Variants in SGPL1 observed in about 807,000 individuals in gnomAD.
SGPL1 encodes sphingosine-1-phosphate lyase 1.
Under a neutral mutation model 68.9 loss-of-function variants are expected in SGPL1, and 37 were observed. The observed-to-expected ratio is 0.54, with a 90% CI of 0.41 to 0.71. The LOEUF is 0.71. Among genes scored for constraint, SGPL1 ranks in the 30% least tolerant of loss-of-function variants. The pLI is 0.00. For synonymous variants in SGPL1, 236 were observed against 248.5 expected, an observed-to-expected ratio of 0.95 and a Z score of 0.47; for missense variants, 551 against 704.6, an observed-to-expected ratio of 0.78 and a Z score of 2.47.
intron 7 of SGPL1, among the ~76,000 whole-genome samples, chr10:70,862,799 A>G (rs537292074): frequency 1.3e-4 from 20 of 152,298 alleles, no homozygotes; most frequent in Admixed American, 1.1e-3. Flanking sequence ...GAACATCAGA[A>G]GGAACAAACT....
intron 2 of SGPL1, among the ~76,000 whole-genome samples, chr10:70,842,854 C>A (rs1338367892): frequency 6.6e-6 from 1 of 152,182 alleles, no homozygotes; most frequent in Non-Finnish European, 1.5e-5. Context: ...TACTTGGGCA[C>A]TGTTACTTGG....
At chr10:70,865,212 C>CT (rs199971329) in intron 7 of SGPL1, among the ~76,000 whole-genome samples, 53,269 of 146,790 alleles carry the variant, frequency 0.36, 9,634 homozygotes, top group African/African-American at 0.42. Flanking sequence ...TTCACTGTTT[C>CT]TTTTTTTTTT....
chr10:70,869,786 A>G lies in SGPL1; in HGVS notation c.705-6A>G, dbSNP rs1308632021. ...TTACATTATTCTCCTCTTCCCTGTC[A>G]TTTAGTGTGGCTCCCCAAAGTGCCC... On this transcript the variant is annotated splice_region_variant and splice_polypyrimidine_tract_variant and intron_variant, in intron 8 of 14. Coordinates refer to ENST00000373202, the MANE Select transcript of SGPL1 (RefSeq NM_003901.4). 1.9e-6 allele frequency: 3 copies of G among 1,612,524 alleles called. No homozygotes were observed. The highest frequency in any genetic ancestry group is 2.5e-6 in the Non-Finnish European group (3 of 1,178,850).
intron 3 of SGPL1, among the ~76,000 whole-genome samples, chr10:70,848,825 C>T (rs1184373406): frequency 1.3e-5 from 2 of 152,130 alleles, no homozygotes; most frequent in African/African-American, 4.8e-5. Context: ...TTGACGTATG[C>T]AACACATTTT....
intron 7 of SGPL1, among the ~76,000 whole-genome samples, chr10:70,861,704 G>C (rs1018368915): frequency 1.5e-4 from 23 of 152,232 alleles, no homozygotes; most frequent in Non-Finnish European, 2.6e-4. Context: ...AGAGTTCCCG[G>C]TGAGCATGGG....
intron 2 of SGPL1, among the ~76,000 whole-genome samples, chr10:70,817,929 C>G (rs555115945): frequency 4.9e-4 from 75 of 152,300 alleles, no homozygotes; most frequent in African/African-American, 1.7e-3. Flanking sequence ...TGAGATCTTT[C>G]TGTGCTGTTT....
intron 2 of SGPL1, among the ~76,000 whole-genome samples, chr10:70,840,285 T>TG (rs969034998): frequency 6.6e-6 from 1 of 152,078 alleles, no homozygotes; most frequent in African/African-American, 2.4e-5. Context: ...CATTTCACTT[T>TG]GGGGTCTCTG....
chr10:70,841,737 A>C lies in SGPL1; in HGVS notation c.28-2736A>C, dbSNP rs537876563. On this transcript the variant is annotated intron_variant, in intron 2 of 14. Transcript: ENST00000373202. The stretch of plus-strand genomic sequence containing the variant: ...AAATGTTTTCAACAAGCATTTGTTG[A>C]GTATCTGTCCTTTTTCTAAGCTTTC... Among the ~76,000 whole-genome samples, 6 of 152,256 alleles carry C rather than the reference A, an allele frequency of 3.9e-5. No homozygotes were observed. In the South Asian group the frequency reaches 1.2e-3, roughly 32 times the overall value.
intron 4 of SGPL1, among the ~76,000 whole-genome samples, chr10:70,852,706 A>ATGTGTGTG (rs35491906): frequency 1.2e-3 from 171 of 145,942 alleles, no homozygotes; most frequent in Admixed American, 3.3e-3. Flanking sequence ...ACATGTGTGT[A>ATGTGTGTG]TGTGTGTGTG....
At chr10:70,864,372 ATC>A (rs34899133) in intron 7 of SGPL1, among the ~76,000 whole-genome samples, 8,277 of 152,110 alleles carry the variant, frequency 0.054, 274 homozygotes, top group Non-Finnish European at 0.063. Flanking sequence ...TGATCTTTCA[ATC>A]TCTGTCTTTT....
chr10:70,876,471 TGGG>T, intron 13 of SGPL1, 67 bp from the exon 14 acceptor site: 1 of 1,404,694 alleles, frequency 7.1e-7, no homozygotes, highest in Non-Finnish European at 9.8e-7. Context: ...TTCCCGTATT[TGGG>T]GCTGCATCAT....
At position 70,877,419 on chromosome 10, in the gene SGPL1, T is replaced by A. The variant is rs77332227; in HGVS notation, c.*84T>A. On this transcript the variant is annotated 3_prime_UTR_variant, in exon 15 of 15. Coordinates refer to ENST00000373202, the MANE Select transcript of SGPL1 (RefSeq NM_003901.4). ...GAACAGGCCGTGCACAACTTTGACA[T>A]CTGGTCTTGCTCCATAGAGCACAAC... is the stretch of plus-strand genomic sequence containing the variant. 41,922 of 1,388,546 alleles carry A rather than the reference T, an allele frequency of 0.03. 804 individuals carry two copies. Among genetic ancestry groups the A allele is most frequent in the Middle Eastern group, 0.053 (293 of 5,520 alleles). The allele number at this position is 1,388,546 out of a possible 1,614,324, so 86.0% of individuals were successfully genotyped here. A position where few individuals can be genotyped will look rare whatever the true frequency, so the allele number is the denominator to read the frequency against.
intron 6 of SGPL1, among the ~76,000 whole-genome samples, chr10:70,858,731 A>G (rs1019088812): frequency 9.2e-5 from 14 of 152,162 alleles, no homozygotes; most frequent in African/African-American, 2.9e-4. Flanking sequence ...TTTCCCACAT[A>G]AACACTAATC....
At chr10:70,876,127 C>T (rs183037161) in intron 13 of SGPL1, among the ~76,000 whole-genome samples, 36 of 152,232 alleles carry the variant, frequency 2.4e-4, no homozygotes, top group Non-Finnish European at 4.1e-4. Context: ...TCCTCCAGGG[C>T]GAGGTAGAAT....
In SGPL1 at chr10:70,844,573, T is replaced by C; in HGVS notation, c.128T>C (p.Ile43Thr). 6.2e-7 allele frequency: 1 copy of C among 1,614,204 alleles called. No individual in the cohort carries two copies. The highest frequency in any genetic ancestry group is 8.5e-7 in the Non-Finnish European group (1 of 1,180,018). The change falls in exon 3 of 15, where the codon ATT becomes ACT. Residue 43 changes from isoleucine (I) to threonine (T), a missense_variant. Coordinates refer to ENST00000373202, the MANE Select transcript of SGPL1 (RefSeq NM_003901.4). Reference protein sequence around the residue: ...HCTKYEPWQLIAWSVVWTLLI... With the variant: ...HCTKYEPWQLTAWSVVWTLLI... ...ACCAAGTATGAGCCCTGGCAGCTAA[T>C]TGCATGGAGTGTCGTGTGGACCCTG... is the stretch of plus-strand genomic sequence containing the variant.
chr10:70,875,267 T>A, intron 12 of SGPL1, 135 bp from the exon 13 acceptor site: 1 of 604,352 alleles, frequency 1.7e-6, no homozygotes, highest in Non-Finnish European at 2.9e-6. Flanking sequence ...TTTTTGAAGA[T>A]GAGAAGACTA....
chr10:70,827,467 A>G (rs76955784), intron 2 of SGPL1, among the ~76,000 whole-genome samples: 3,164 of 152,286 alleles, frequency 0.021, 74 homozygotes, highest in Non-Finnish European at 0.023. Context: ...AGCTTTTCAT[A>G]TAATTTGCTT....
At chr10:70,861,680 C>T (rs1371963476) in intron 7 of SGPL1, among the ~76,000 whole-genome samples, 1 of 152,216 alleles carries the variant, frequency 6.6e-6, no homozygotes. Context: ...GCGCGCAGCG[C>T]TTGCGGGCCA....
intron 3 of SGPL1, among the ~76,000 whole-genome samples, chr10:70,848,985 G>A (rs1845835175): frequency 6.6e-6 from 1 of 151,902 alleles, no homozygotes; most frequent in African/African-American, 2.4e-5. Flanking sequence ...TACCTTCTGG[G>A]GACTTTTGAG....
Sources: gnomAD v4.1 joint callset for allele counts (sites outside exome capture counted in the v4.1 genomes callset) on GRCh38, gnomAD v4.1.1 for gene constraint, MANE v1.5 for transcripts, NCBI Gene and HGNC (gene_info 2026-07-23, HGNC 2026-07-21) for gene names.